The following DYNC2H1 variants were observed in gnomAD, a reference collection of about 807,000 sequenced individuals.
The protein encoded by DYNC2H1 is dynein cytoplasmic 2 heavy chain 1.
A neutral mutation model predicts 570.0 loss-of-function variants in DYNC2H1; 410 were observed. That is an observed-to-expected ratio of 0.72 (90% CI 0.66 to 0.78). The LOEUF (loss-of-function observed/expected upper bound fraction) is 0.78. Ranked by LOEUF, DYNC2H1 falls within the 30% of genes least tolerant of loss-of-function variation. DYNC2H1 has a pLI of 0.00. For synonymous variants in DYNC2H1, 1,688 were observed against 1,677.6 expected, an observed-to-expected ratio of 1.01 and a Z score of -0.15; for missense variants, 4,865 against 5,046.4, an observed-to-expected ratio of 0.96 and a Z score of 1.09.
intron 15 of DYNC2H1, among the ~76,000 whole-genome samples, chr11:103,134,948 A>G (rs993458796): frequency 1.3e-5 from 2 of 152,166 alleles, no homozygotes; most frequent in African/African-American, 4.8e-5. Context: ...ACATTTACAT[A>G]TATTTAATAT....
chr11:103,141,500 G>A (rs550945750), intron 17 of DYNC2H1, among the ~76,000 whole-genome samples: 22 of 152,286 alleles, frequency 1.4e-4, no homozygotes, highest in African/African-American at 5.1e-4. Flanking sequence ...TATCAGCAGC[G>A]GTGGCTACAG....
rs142313387 is a variant in DYNC2H1, at chr11:103,381,511, G to A, written c.12157-18152G>A. Among the ~76,000 whole-genome samples, 103 of 152,208 alleles carry A rather than the reference G, an allele frequency of 6.8e-4. 3 individuals are homozygous for A. The East Asian group carries it at 0.019, about 28-fold the overall frequency. On this transcript the variant is annotated intron_variant, in intron 83 of 88. Transcript: ENST00000375735. ...GTCACTCAGGCTGGAGTACAGTGGC[G>A]CGATCTCGGCTCACTGCAACCTCCA...
intron 65 of DYNC2H1, among the ~76,000 whole-genome samples, chr11:103,247,321 T>G (rs1864656613): frequency 6.6e-6 from 1 of 152,080 alleles, no homozygotes; most frequent in African/African-American, 2.4e-5. Context: ...TGCCTCCTTT[T>G]AGGCATGGTT....
intron 78 of DYNC2H1, among the ~76,000 whole-genome samples, chr11:103,309,716 C>A (rs17396421): frequency 6.6e-6 from 1 of 151,918 alleles, no homozygotes; most frequent in African/African-American, 2.4e-5. Flanking sequence ...TATTCTAGGA[C>A]TGGATTGCAT....
Position 103,286,309 on chromosome 11 carries a change from C to T in DYNC2H1, c.10945C>T (p.Arg3649Cys), listed in dbSNP as rs763800155. Reference protein sequence around the residue: ...TLCFEDAALWRTYYNNSMCEQ... With the variant: ...TLCFEDAALWCTYYNNSMCEQ... ...CTGCTTTGAAGATGCAGCTCTGTGG[C>T]GTACTTATTATAATAATTCAATGTG... is the stretch of plus-strand genomic sequence containing the variant. Residue 3649 changes from arginine to cysteine, a missense_variant, in exon 74 of 89, where the codon CGT becomes TGT. By Grantham distance (180) the Arg-to-Cys change is radical. Coordinates refer to ENST00000375735, the MANE Select transcript of DYNC2H1 (RefSeq NM_001377.3). 1.1e-5 allele frequency: 18 copies of T among 1,613,578 alleles called. No homozygotes were observed. The Admixed American group carries it at 1.3e-4, about 12-fold the overall frequency.
At chr11:103,373,762 T>C (rs1242221499) in intron 83 of DYNC2H1, among the ~76,000 whole-genome samples, 5 of 152,196 alleles carry the variant, frequency 3.3e-5, no homozygotes, top group Non-Finnish European at 7.3e-5. Flanking sequence ...AGATGATCTG[T>C]CCATTGTTGA....
At chr11:103,421,293 T>C (rs520039) in intron 84 of DYNC2H1, among the ~76,000 whole-genome samples, 84,306 of 151,748 alleles carry the variant, frequency 0.56, 24,058 homozygotes, top group East Asian at 0.72. Context: ...TATTAGACCA[T>C]CGAGGTAGAA....
Position 103,280,862 on chromosome 11 carries a change from AT to A in DYNC2H1, c.10761+456del, listed in dbSNP as rs953457393. On this transcript the variant is annotated intron_variant, in intron 71 of 88. Coordinates refer to ENST00000375735, the MANE Select transcript of DYNC2H1 (RefSeq NM_001377.3). The surrounding 1 kb of genome is among the most constrained non-coding windows in gnomAD (Gnocchi z 4.7). ...TTCCTGAACCTACAGGTTTATGTTA[AT>A]TTTTTTATGTATAATTTGTCTTCCT... Among the ~76,000 whole-genome samples the A allele has an allele frequency of 6.6e-6, 1 of 151,922 alleles. No individual in the cohort carries two copies. Among genetic ancestry groups the A allele is most frequent in the Non-Finnish European group, 1.5e-5 (1 of 67,940 alleles).
chr11:103,141,055 A>G (rs1194923625), intron 17 of DYNC2H1, among the ~76,000 whole-genome samples: 1 of 152,078 alleles, frequency 6.6e-6, no homozygotes, highest in African/African-American at 2.4e-5. Context: ...TTTCAGCTCC[A>G]TCAGCTCCTT....
intron 54 of DYNC2H1, among the ~76,000 whole-genome samples, chr11:103,215,246 T>C (rs1179119531): frequency 6.6e-6 from 1 of 152,154 alleles, no homozygotes; most frequent in Non-Finnish European, 1.5e-5. Context: ...AGAAAAGGCT[T>C]CCAGCTGTTC....
intron 84 of DYNC2H1, among the ~76,000 whole-genome samples, chr11:103,415,625 G>T (rs961100220): frequency 1.2e-4 from 18 of 152,156 alleles, no homozygotes; most frequent in Non-Finnish European, 2.2e-4. Flanking sequence ...AGTTAGAATG[G>T]CGATCATTAA....
chr11:103,411,666 A>G (rs975740042), intron 84 of DYNC2H1, among the ~76,000 whole-genome samples: 21 of 152,154 alleles, frequency 1.4e-4, no homozygotes, highest in African/African-American at 4.8e-4. Context: ...AGACCAAAAT[A>G]TTTTAGAAAG....
chr11:103,353,333 T>C (rs1356863578), intron 82 of DYNC2H1, among the ~76,000 whole-genome samples: 4 of 152,186 alleles, frequency 2.6e-5, no homozygotes, highest in African/African-American at 9.6e-5. Flanking sequence ...GTTCTCCAGA[T>C]ATTGGATGTA....
chr11:103,241,431 C>T lies in DYNC2H1; in HGVS notation c.9820-2262C>T. Reference sequence around the variant, plus strand: ...CTGGAGACGTAAAATAAGATGACAACAAACTTTTAAGTACCCTTTGAAAAA... The same window carrying T: ...CTGGAGACGTAAAATAAGATGACAATAAACTTTTAAGTACCCTTTGAAAAA... On this transcript the variant is annotated intron_variant, in intron 63 of 88. Transcript: ENST00000375735. This position sits in a 1 kb window ranked among gnomAD's most constrained non-coding sequence, Gnocchi z 5.1. 9.0e-7 allele frequency: 1 copy of T among 1,114,808 alleles called. No homozygotes were observed. Among genetic ancestry groups the T allele is most frequent in the Non-Finnish European group, 1.3e-6 (1 of 763,732 alleles). 69.1% of individuals were successfully genotyped at this position (1,114,808 alleles called of 1,614,324 possible). A position where few individuals can be genotyped will look rare whatever the true frequency, so the allele number is the denominator to read the frequency against.
intron 77 of DYNC2H1, 43 bp from the exon 78 acceptor site, chr11:103,307,678 A>T: frequency 9.5e-7 from 1 of 1,057,912 alleles, no homozygotes; most frequent in Non-Finnish European, 1.4e-6. Context: ...AGAAACTTTC[A>T]TATATATTTA....
chr11:103,200,802 T>G (rs1862690103), intron 50 of DYNC2H1, among the ~76,000 whole-genome samples: 1 of 152,176 alleles, frequency 6.6e-6, no homozygotes, highest in Admixed American at 6.5e-5. Flanking sequence ...AATCAAGTAA[T>G]AAGTAATCTT....
chr11:103,230,623 T>C (rs1863969171), intron 59 of DYNC2H1, among the ~76,000 whole-genome samples: 1 of 152,226 alleles, frequency 6.6e-6, no homozygotes, highest in Admixed American at 6.5e-5. Flanking sequence ...GTTACCTTCA[T>C]AAGTATCTGT....
intron 84 of DYNC2H1, among the ~76,000 whole-genome samples, chr11:103,423,030 AT>A (rs1943541041): frequency 6.7e-6 from 1 of 149,996 alleles, no homozygotes; most frequent in Non-Finnish European, 1.5e-5. Flanking sequence ...TTTTGCAAAA[AT>A]GCAAAGGGTC....
At chr11:103,156,236 G>C (rs921117327) in intron 25 of DYNC2H1, among the ~76,000 whole-genome samples, 152 bp from the exon 26 acceptor site, 7 of 148,940 alleles carry the variant, frequency 4.7e-5, no homozygotes, top group African/African-American at 1.7e-4. Flanking sequence ...ATTTTCTTGA[G>C]TTGCATGTAA....
Sources: allele counts gnomAD v4.1 joint callset (sites outside exome capture counted in the v4.1 genomes callset), GRCh38; gene constraint gnomAD v4.1.1; non-coding constraint Gnocchi (gnomAD v3.1); transcripts MANE v1.5; gene names NCBI Gene and HGNC (gene_info 2026-07-23, HGNC 2026-07-21).